The following CACNA1D variants were observed in gnomAD, a reference collection of about 807,000 sequenced individuals.
The protein encoded by CACNA1D is voltage-dependent L-type calcium channel subunit alpha-1D.
A neutral mutation model predicts 257.1 loss-of-function variants in CACNA1D; 55 were observed. That is an observed-to-expected ratio of 0.21 (90% CI 0.17 to 0.27). The LOEUF (loss-of-function observed/expected upper bound fraction) is 0.27. Among genes scored for constraint, CACNA1D ranks in the 10% least tolerant of loss-of-function variants. CACNA1D has a pLI of 1.00. For missense variants in CACNA1D, 1,876 were observed against 2,784.0 expected, an observed-to-expected ratio of 0.67 and a Z score of 7.34; for synonymous variants, 980 against 1,014.9, an observed-to-expected ratio of 0.97 and a Z score of 0.65.
intron 3 of CACNA1D, among the ~76,000 whole-genome samples, chr3:53,578,470 A>G (rs1314497096): frequency 6.6e-6 from 1 of 152,150 alleles, no homozygotes; most frequent in Non-Finnish European, 1.5e-5. Flanking sequence ...GAAGAACCCC[A>G]TCAAGTCATG....
At position 53,497,252 on chromosome 3, in the gene CACNA1D, A is replaced by T. The variant is rs774682333; in HGVS notation, c.168A>T (p.Ala56=). 6.2e-7 allele frequency: 1 copy of T among 1,614,220 alleles called. No individual in the cohort carries two copies. Among genetic ancestry groups the T allele is most frequent in the Non-Finnish European group, 8.5e-7 (1 of 1,180,038 alleles). Residue 56 remains alanine (A), a synonymous_variant, in exon 2 of 48, where the codon GCA becomes GCT. Transcript: ENST00000350061. ...SKQTVLSWQA[A]IDAARQAKAA... ...AAACTGTCCTGTCTTGGCAAGCTGCAATCGATGCTGCTAGACAGGCCAAGG... is the reference window on the plus strand; with the variant it reads ...AAACTGTCCTGTCTTGGCAAGCTGCTATCGATGCTGCTAGACAGGCCAAGG...
intron 9 of CACNA1D, among the ~76,000 whole-genome samples, chr3:53,713,502 A>ATGTGTGTG (rs35655186): frequency 0.011 from 1,475 of 129,414 alleles, 10 homozygotes; most frequent in Middle Eastern, 0.022. Flanking sequence ...CTCTGTGTGT[A>ATGTGTGTG]TGTGTGTGTG....
intron 3 of CACNA1D, among the ~76,000 whole-genome samples, chr3:53,646,427 C>A (rs2094021320): frequency 6.6e-6 from 1 of 152,154 alleles, no homozygotes; most frequent in Non-Finnish European, 1.5e-5. Context: ...GATCATAAAA[C>A]CTCATGCTGT....
chr3:53,693,149 G>A (rs1178895754), intron 8 of CACNA1D, among the ~76,000 whole-genome samples: 3 of 152,134 alleles, frequency 2.0e-5, no homozygotes, highest in Non-Finnish European at 2.9e-5. Flanking sequence ...GCCCACCAGC[G>A]GTTCCCATGC....
intron 3 of CACNA1D, among the ~76,000 whole-genome samples, chr3:53,603,957 A>T (rs1367419753): frequency 6.6e-6 from 1 of 152,190 alleles, no homozygotes; most frequent in Non-Finnish European, 1.5e-5. Flanking sequence ...GTTATATTTA[A>T]TGGGATGCAG....
chr3:53,505,570 G>A (rs1043533904), intron 3 of CACNA1D, among the ~76,000 whole-genome samples: 8 of 152,206 alleles, frequency 5.3e-5, no homozygotes, highest in Non-Finnish European at 1.5e-5. Context: ...CCCAGGAGAA[G>A]CGCCACCATC....
At chr3:53,644,085 A>C (rs945219022) in intron 3 of CACNA1D, among the ~76,000 whole-genome samples, 2 of 152,200 alleles carry the variant, frequency 1.3e-5, no homozygotes, top group African/African-American at 2.4e-5. Context: ...CGGAATATCT[A>C]TTTTTGTGAC....
chr3:53,504,055 GT>G (rs529982644), intron 3 of CACNA1D, among the ~76,000 whole-genome samples: 7,123 of 140,798 alleles, frequency 0.051, 202 homozygotes, highest in Middle Eastern at 0.1. Flanking sequence ...CTGGTTTTTT[GT>G]TTTTTTTTTT....
At chr3:53,519,098 A>G (rs1475413819) in intron 3 of CACNA1D, among the ~76,000 whole-genome samples, 1 of 152,168 alleles carries the variant, frequency 6.6e-6, no homozygotes, top group Non-Finnish European at 1.5e-5. Context: ...CTCCCTGGCA[A>G]GGCACATTTT....
At chr3:53,529,241 G>A (rs934792971) in intron 3 of CACNA1D, among the ~76,000 whole-genome samples, 2 of 152,140 alleles carry the variant, frequency 1.3e-5, no homozygotes, top group Non-Finnish European at 2.9e-5. Context: ...TTTGTCAAAT[G>A]TCTTTTCTAC....
intron 4 of CACNA1D, among the ~76,000 whole-genome samples, chr3:53,656,399 C>T (rs2094147867): frequency 1.3e-5 from 2 of 152,066 alleles, no homozygotes; most frequent in Admixed American, 6.5e-5. Flanking sequence ...ATTGAGTCTT[C>T]CTATTTGTGA....
intron 7 of CACNA1D, among the ~76,000 whole-genome samples, chr3:53,667,648 A>G (rs1365927225): frequency 6.6e-6 from 1 of 152,252 alleles, no homozygotes; most frequent in East Asian, 1.9e-4. Context: ...GCTGCCCTTC[A>G]GCAGCTCACA....
intron 3 of CACNA1D, among the ~76,000 whole-genome samples, chr3:53,595,679 T>A (rs3774468): frequency 6.6e-6 from 1 of 151,976 alleles, no homozygotes; most frequent in Non-Finnish European, 1.5e-5. Flanking sequence ...TACTGACACC[T>A]GCCTGACCTA....
chr3:53,738,484 A>C (rs1164839211), intron 20 of CACNA1D, among the ~76,000 whole-genome samples: 1 of 152,178 alleles, frequency 6.6e-6, no homozygotes, highest in Non-Finnish European at 1.5e-5. Flanking sequence ...TCCATCATAA[A>C]AAAAGGACAC....
chr3:53,530,387 A>G (rs1399924560), intron 3 of CACNA1D: 1 of 152,190 alleles, frequency 6.6e-6, no homozygotes, highest in Non-Finnish European at 1.5e-5. Context: ...TCGTGTTTAG[A>G]CACACATCCC....
Position 53,762,063 on chromosome 3 carries a change from G to T in CACNA1D, c.3852G>T (p.Val1284=). The T allele has an allele frequency of 6.2e-7, 1 of 1,613,016 alleles. No homozygotes were observed. Among genetic ancestry groups the T allele is most frequent in the Non-Finnish European group, 8.5e-7 (1 of 1,178,940 alleles). Residue 1284 remains valine (V), a synonymous_variant, in exon 30 of 48, where the codon GTG becomes GTT. Coordinates refer to ENST00000350061, the MANE Select transcript of CACNA1D (RefSeq NM_001128840.3). ...SLIVIGSIID[V]ALSEADPTES... is the part of the protein sequence containing the mutation. The stretch of plus-strand genomic sequence containing the variant: ...TCGTAATCGGCAGCATTATAGACGT[G>T]GCCCTCAGCGAAGCAGACGTGAGTA...
chr3:53,621,152 C>T (rs1041629232), intron 3 of CACNA1D, among the ~76,000 whole-genome samples: 6 of 152,096 alleles, frequency 3.9e-5, no homozygotes, highest in South Asian at 4.1e-4. Context: ...GGAAAAGAAC[C>T]GACTAAGCCA....
chr3:53,526,961 C>T (rs572690530), intron 3 of CACNA1D, among the ~76,000 whole-genome samples: 10 of 152,242 alleles, frequency 6.6e-5, no homozygotes, highest in Non-Finnish European at 1.2e-4. Context: ...AATCTTTCCT[C>T]CACTGCCCAC....
chr3:53,582,161 T>G (rs2093143294), intron 3 of CACNA1D, among the ~76,000 whole-genome samples: 1 of 152,120 alleles, frequency 6.6e-6, no homozygotes, highest in Admixed American at 6.6e-5. Flanking sequence ...AAAGAAGTCC[T>G]TCTTTCTCTT....
Sources: allele counts gnomAD v4.1 joint callset (sites outside exome capture counted in the v4.1 genomes callset), GRCh38; gene constraint gnomAD v4.1.1; transcripts MANE v1.5; gene names NCBI Gene and HGNC (gene_info 2026-07-23, HGNC 2026-07-21).